The following WDR27 variants were observed in gnomAD, a reference collection of about 807,000 sequenced individuals.
The protein encoded by WDR27 is WD repeat-containing protein 27.
Under a neutral mutation model 114.4 loss-of-function variants are expected in WDR27, and 100 were observed. The ratio of observed to expected loss-of-function variants is 0.87; its 90% CI spans 0.74 to 1.03. The LOEUF (loss-of-function observed/expected upper bound fraction) is 1.03. Ranked by LOEUF, WDR27 falls within the 50% of genes least tolerant of loss-of-function variation. WDR27 has a pLI of 0.00. For missense variants in WDR27, 1,129 were observed against 1,092.9 expected (o/e 1.03, Z -0.47); for synonymous variants, 449 against 423.1 (o/e 1.06, Z -0.75).
intron 25 of WDR27, among the ~76,000 whole-genome samples, chr6:169,534,107 T>C (rs1179477576): frequency 2.6e-5 from 4 of 152,210 alleles, no homozygotes; most frequent in Admixed American, 6.5e-5. Flanking sequence ...GTATCACGGA[T>C]GGTTGTTACA....
chr6:169,519,968 T>C (rs796071828), intron 25 of WDR27, among the ~76,000 whole-genome samples: 14 of 152,226 alleles, frequency 9.2e-5, no homozygotes, highest in African/African-American at 3.4e-4. Flanking sequence ...GACGACCAGC[T>C]TCCCCACCAT....
At chr6:169,482,026 C>T (rs569947748) in intron 25 of WDR27, among the ~76,000 whole-genome samples, 1 of 152,324 alleles carries the variant, frequency 6.6e-6, no homozygotes, top group African/African-American at 2.4e-5. Flanking sequence ...TCATTTAGCT[C>T]CCACTAATAA....
chr6:169,666,315 A>G, intron 6 of WDR27: 3 of 903,482 alleles, frequency 3.3e-6, no homozygotes, highest in African/African-American at 1.8e-5. Context: ...GGATACATTA[A>G]CCTCAGAAAG....
chr6:169,608,067 A>C (rs1434015404), intron 22 of WDR27, among the ~76,000 whole-genome samples: 1 of 152,112 alleles, frequency 6.6e-6, no homozygotes, highest in Non-Finnish European at 1.5e-5. Context: ...ACTGTAACAC[A>C]ATGGTAATTA....
intron 2 of WDR27, among the ~76,000 whole-genome samples, chr6:169,681,318 C>T (rs1426657470): frequency 1.3e-5 from 2 of 152,178 alleles, no homozygotes; most frequent in Middle Eastern, 3.2e-3. Flanking sequence ...AGCTAACCCA[C>T]TCATATCTCC....
chr6:169,688,582 C>T (rs917485409), intron 2 of WDR27, among the ~76,000 whole-genome samples: 10 of 151,790 alleles, frequency 6.6e-5, no homozygotes, highest in Middle Eastern at 3.4e-3. Flanking sequence ...CAGTTTCTTA[C>T]TGAAGAAACT....
chr6:169,677,400 T>C (rs1210464500), intron 2 of WDR27, among the ~76,000 whole-genome samples: 1 of 152,234 alleles, frequency 6.6e-6, no homozygotes, highest in African/African-American at 2.4e-5. Context: ...AAGAAATTTC[T>C]AATCAGCAAA....
At chr6:169,586,333 A>G (rs1330131845) in intron 23 of WDR27, among the ~76,000 whole-genome samples, 6 of 152,166 alleles carry the variant, frequency 3.9e-5, no homozygotes, top group Non-Finnish European at 8.8e-5. Context: ...TTCCTATAAC[A>G]GTAATGGCCT....
chr6:169,644,328 C>G (rs1221802976), intron 16 of WDR27, among the ~76,000 whole-genome samples: 2 of 151,480 alleles, frequency 1.3e-5, no homozygotes, highest in African/African-American at 4.9e-5. Context: ...AAGCCTAGTT[C>G]ACACGAGTCA....
chr6:169,485,398 G>C (rs1788750158), intron 25 of WDR27, among the ~76,000 whole-genome samples: 1 of 152,150 alleles, frequency 6.6e-6, no homozygotes, highest in Non-Finnish European at 1.5e-5. Context: ...TGGCCAATGA[G>C]CATATGAGAA....
intron 13 of WDR27, 196 bp downstream of exon 13, chr6:169,658,080 C>T (rs1479230838): frequency 3.9e-6 from 2 of 513,734 alleles, no homozygotes; most frequent in Non-Finnish European, 7.3e-6. Flanking sequence ...ATTCAGGAGG[C>T]GAAGCACCCA....
At chr6:169,601,644 T>C (rs888026299) in intron 23 of WDR27, among the ~76,000 whole-genome samples, 1 of 152,208 alleles carries the variant, frequency 6.6e-6, no homozygotes, top group Non-Finnish European at 1.5e-5. Context: ...TGAGTATTCT[T>C]GGGGCGAATG....
the WDR27 span, among the ~76,000 whole-genome samples, chr6:169,446,580 T>C: frequency 6.6e-6 from 1 of 152,218 alleles, no homozygotes; most frequent in African/African-American, 2.4e-5. Context: ...GCCTTTTTTA[T>C]GTTATGTAAT....
chr6:169,626,188 T>C (rs1340486612), intron 21 of WDR27, among the ~76,000 whole-genome samples: 1 of 152,206 alleles, frequency 6.6e-6, no homozygotes, highest in Non-Finnish European at 1.5e-5. Flanking sequence ...CGGGGACAGC[T>C]GCTGGGGAGC....
chr6:169,642,309 C>CCT lies in WDR27; in HGVS notation c.1747+1387_1747+1388insAG, dbSNP rs397953422. On this transcript the variant is annotated intron_variant, in intron 17 of 25. Coordinates refer to ENST00000448612, the MANE Select transcript of WDR27 (RefSeq NM_182552.5). Reference sequence around the variant, plus strand: ...ATGGTTAAATGTGGCCCTTCCCCCCCGCCCACAGAAACAGAGCAAGTTTTT... The same window carrying CCT: ...ATGGTTAAATGTGGCCCTTCCCCCCCCTGCCCACAGAAACAGAGCAAGTTTTT... 3.3e-5 allele frequency among the ~76,000 whole-genome samples: 5 copies of CCT among 151,846 alleles called. No homozygotes were observed. The East Asian group carries it at 9.7e-4, about 29-fold the overall frequency.
chr6:169,664,407 C>G, intron 7 of WDR27, 121 bp from the exon 8 acceptor site: 1 of 1,561,052 alleles, frequency 6.4e-7, no homozygotes, highest in Non-Finnish European at 8.6e-7. Flanking sequence ...CCACGGCCTG[C>G]AGAGGCTCCC....
At chr6:169,470,259 T>C (rs896130061) in intron 25 of WDR27, among the ~76,000 whole-genome samples, 3 of 152,202 alleles carry the variant, frequency 2.0e-5, no homozygotes, top group Non-Finnish European at 2.9e-5. Context: ...TCTCAGAAGA[T>C]AGAAGCTTTC....
rs376351353 is a variant in WDR27 at position 169,626,481 on chromosome 6, G to C, written c.2223+6466C>G. 6.6e-5 allele frequency among the ~76,000 whole-genome samples: 10 copies of C among 152,278 alleles called. No homozygotes were observed. The South Asian group carries it at 2.1e-3, about 32-fold the overall frequency. On this transcript the variant is annotated intron_variant, in intron 21 of 25. Transcript: ENST00000448612. ...GGTCAGGTCCAGGCCCCTCCTGCTG[G>C]TGCAGCTGTCCCCTCCTCCTTCAAG... is the stretch of plus-strand genomic sequence containing the variant.
chr6:169,513,554 C>T (rs1313636294), intron 25 of WDR27, among the ~76,000 whole-genome samples: 1 of 151,336 alleles, frequency 6.6e-6, no homozygotes, highest in Non-Finnish European at 1.5e-5. Flanking sequence ...GACACATTTA[C>T]ATGGATTCAA....
Sources: gnomAD v4.1 joint callset for allele counts (sites outside exome capture counted in the v4.1 genomes callset) on GRCh38, gnomAD v4.1.1 for gene constraint, MANE v1.5 for transcripts, NCBI Gene and HGNC (gene_info 2026-07-23, HGNC 2026-07-21) for gene names.